The following SON variants were observed in gnomAD, a reference collection of about 807,000 sequenced individuals.
SON encodes SON DNA and RNA binding protein, also known as protein SON.
In SON, 4 loss-of-function variants were observed where a neutral mutation model predicts 173.3. The ratio of observed to expected loss-of-function variants is 0.02; its 90% CI spans 0.01 to 0.05. SON has a LOEUF of 0.05. Ranked by LOEUF, SON falls within the 10% of genes least tolerant of loss-of-function variation. The pLI is 1.00. For synonymous variants in SON, 1,190 were observed against 1,105.9 expected, an observed-to-expected ratio of 1.08 and a Z score of -1.51; for missense variants, 2,626 against 3,055.3, an observed-to-expected ratio of 0.86 and a Z score of 3.31.
intron 7 of SON, among the ~76,000 whole-genome samples, chr21:33,568,326 C>T (rs1474652979): frequency 6.6e-6 from 1 of 152,292 alleles, no homozygotes; most frequent in Admixed American, 6.5e-5. Flanking sequence ...AACCCTGTCT[C>T]GACTAAAAAT....
chr21:33,577,383 T>C lies in SON; in HGVS notation c.*959T>C, dbSNP rs888151880. 6.6e-6 allele frequency: 1 copy of C among 152,620 alleles called. No homozygotes were observed. The allele number at this position is 152,620 out of a possible 1,614,324, so 9.5% of individuals were successfully genotyped here. On this transcript the variant is annotated 3_prime_UTR_variant, in exon 12 of 12. Coordinates refer to ENST00000356577, the MANE Select transcript of SON (RefSeq NM_138927.4). The stretch of plus-strand genomic sequence containing the variant: ...GTTTATGTTAATTTTTAGGGTCTGA[T>C]AGAATATTTCATGTGTATTACAGTG...
rs73900349 is a variant in SON at position 33,551,781 on chromosome 21, C to A, written c.2550C>A (p.Thr850=). The change falls in exon 3 of 12, where the codon ACC becomes ACA. Residue 850 remains threonine, a synonymous_variant. Coordinates refer to ENST00000356577, the MANE Select transcript of SON (RefSeq NM_138927.4). ...ATTCTCAGATGTTAGCAACCAGCAC[C>A]ATGGACTCCCAGATGTTAGCAACTA... ...TMDSQMLATS[T]MDSQMLATSS... 211 of 1,613,064 alleles carry A rather than the reference C, an allele frequency of 1.3e-4. No individual in the cohort carries two copies. In the African/African-American group the frequency reaches 2.4e-3, roughly 18 times the overall value.
At chr21:33,570,737 A>C (rs968322786) in intron 8 of SON, among the ~76,000 whole-genome samples, 5 of 152,160 alleles carry the variant, frequency 3.3e-5, no homozygotes, top group Non-Finnish European at 5.9e-5. Context: ...GTACTCAGCC[A>C]GTATTTCAGG....
chr21:33,553,222 G>A lies in SON; in HGVS notation c.3991G>A (p.Val1331Ile). ...CTCAGAAGTATCTACATCCTTGTTG[G>A]TTCCAGCAGTAACTACTCCAGTGCT... ...VASEVSTSLL[V>I]PAVTTPVLAE... The change falls in exon 3 of 12, where the codon GTT (valine) becomes ATT (isoleucine). Residue 1331 changes from valine (V) to isoleucine (I), a missense_variant. Transcript: ENST00000356577. 2 of 1,614,162 alleles carry A rather than the reference G, an allele frequency of 1.2e-6. No individual in the cohort carries two copies. The highest frequency in any genetic ancestry group is 2.2e-5 in the South Asian group (2 of 91,080).
Position 33,550,412 on chromosome 21 carries a change from T to C in SON, c.1181T>C (p.Leu394Ser). Residue 394 changes from leucine to serine, a missense_variant, in exon 3 of 12, where the codon TTG (leucine) becomes TCG (serine). Coordinates refer to ENST00000356577, the MANE Select transcript of SON (RefSeq NM_138927.4). ...CCACCTGCGACCTCCATGCCGGAGT[T>C]GCAGGGGCCCCCTGTGACTCCAGTG... Reference protein sequence around the residue: ...PGPPATSMPELQGPPVTPVLE... With the variant: ...PGPPATSMPESQGPPVTPVLE... 6.2e-7 allele frequency: 1 copy of C among 1,613,784 alleles called. No individual in the cohort carries two copies. Among genetic ancestry groups the C allele is most frequent in the Non-Finnish European group, 8.5e-7 (1 of 1,179,908 alleles).
rs370228868 is a variant in SON at position 33,546,486 on chromosome 21, T to C, written c.244+107T>C. On this transcript the variant is annotated intron_variant, in intron 2 of 11. Transcript: ENST00000356577. ...TTCAGTATTTAAGATATTTATTAAA[T>C]TAAAAACTTTAGGCTGGGTGCGATG... The C allele has an allele frequency of 1.6e-5, 15 of 939,258 alleles. No homozygotes were observed. In the East Asian group the frequency reaches 4.2e-4, roughly 26 times the overall value. 58.2% of individuals were successfully genotyped at this position (939,258 alleles called of 1,614,324 possible).
In SON at chr21:33,555,133, A is replaced by C; in HGVS notation, c.5902A>C (p.Ser1968Arg). The C allele has an allele frequency of 6.8e-7, 1 of 1,466,350 alleles. No individual in the cohort carries two copies. 90.8% of individuals were successfully genotyped at this position (1,466,350 alleles called of 1,614,324 possible). The change falls in exon 3 of 12, where the codon AGC becomes CGC. Residue 1968 changes from serine (S) to arginine (R), a missense_variant. Physicochemically the swap from Ser to Arg is moderately radical, Grantham distance 110. Transcript: ENST00000356577. The part of the protein sequence containing the change: ...RTPSRRSRTP[S>R]RRSRTPSRRS... ...CCCCAGCCGCCGCAGCCGCACCCCC[A>C]GCCGCCGCAGCCGCACCCCCAGCCG...
intron 6 of SON, among the ~76,000 whole-genome samples, chr21:33,562,151 T>C (rs529461434): frequency 6.6e-6 from 1 of 152,306 alleles, no homozygotes; most frequent in African/African-American, 2.4e-5. Context: ...TCCAGTTATT[T>C]AGTGACCATC....
chr21:33,556,693 G>A (rs1433406528), intron 3 of SON, among the ~76,000 whole-genome samples: 3 of 146,112 alleles, frequency 2.1e-5, no homozygotes, highest in Non-Finnish European at 3.0e-5. Flanking sequence ...CAGCCTGGGC[G>A]ACAGAGTGAG....
At chr21:33,562,625 T>C (rs961562170) in intron 6 of SON, among the ~76,000 whole-genome samples, 13 of 152,202 alleles carry the variant, frequency 8.5e-5, no homozygotes, top group Non-Finnish European at 1.9e-4. Flanking sequence ...TCAGACTGTG[T>C]GCGGTACTGC....
chr21:33,572,512 C>T, intron 8 of SON: 1 of 1,202,342 alleles, frequency 8.3e-7, no homozygotes, highest in Non-Finnish European at 1.1e-6. Flanking sequence ...ACAGAATAAC[C>T]TGTGAACTTT....
chr21:33,573,213 A>C, intron 8 of SON, 95 bp from the exon 9 acceptor site: 1 of 1,013,188 alleles, frequency 9.9e-7, no homozygotes, highest in East Asian at 2.4e-5. Flanking sequence ...ATCTAGAAGT[A>C]AAGTAAGATT....
Position 33,550,126 on chromosome 21 carries a change from G to A in SON, c.895G>A (p.Val299Met), listed in dbSNP as rs1300848389. 1 of 1,614,198 alleles carries A rather than the reference G, an allele frequency of 6.2e-7. No individual in the cohort carries two copies. The highest frequency in any genetic ancestry group is 1.6e-4 in the Middle Eastern group (1 of 6,062). Residue 299 changes from valine (V) to methionine (M), a missense_variant, in exon 3 of 12, where the codon GTG becomes ATG. Physicochemically the swap from Val to Met is conservative, Grantham distance 21. Transcript: ENST00000356577. ...GTTGGTAGAGCCCCCAGTAGCAAAA[G>A]TGTTAGAGCCTTCAGAAACCCTTGT... ...IMLVEPPVAKVLEPSETLVVS... is the reference protein window; with the variant it reads ...IMLVEPPVAKMLEPSETLVVS...
rs370296512 is a variant in SON, at chr21:33,550,305, G to A, written c.1074G>A (p.Pro358=). ...SEIADSSMTR[P]QELPELPKTT... is the part of the protein sequence containing the mutation. ...TTGCAGATTCATCCATGACAAGACC[G>A]CAGGAGTTGCCGGAGCTGCCTAAGA... The change falls in exon 3 of 12, where the codon CCG becomes CCA. Residue 358 remains proline (P), a synonymous_variant. Transcript: ENST00000356577. 82 of 1,613,984 alleles carry A rather than the reference G, an allele frequency of 5.1e-5. No homozygotes were observed. Among genetic ancestry groups the A allele is most frequent in the Non-Finnish European group, 6.4e-5 (75 of 1,180,008 alleles).
In SON at chr21:33,552,760, C is replaced by T. The variant is rs1201458106; in HGVS notation, c.3529C>T (p.Pro1177Ser). 2 of 1,613,776 alleles carry T rather than the reference C, an allele frequency of 1.2e-6. No homozygotes were observed. The highest frequency in any genetic ancestry group is 2.7e-5 in the African/African-American group (2 of 74,922). Residue 1177 changes from proline to serine, a missense_variant, in exon 3 of 12, where the codon CCA becomes TCA. Transcript: ENST00000356577. The surrounding 1 kb of genome is among the most constrained non-coding windows in gnomAD (Gnocchi z 5.6). The stretch of plus-strand genomic sequence containing the variant: ...ACCACCATTGCCTCCTGAGGAACCA[C>T]CAGAGGGTCCAGCATTGCCCACTGA... ...MTPPLPPEEP[P>S]EGPALPTEQS...
At chr21:33,562,158 C>G (rs1033161951) in intron 6 of SON, among the ~76,000 whole-genome samples, 3 of 151,852 alleles carry the variant, frequency 2.0e-5, no homozygotes, top group Non-Finnish European at 4.4e-5. Flanking sequence ...ATTTAGTGAC[C>G]ATCTAAATAT....
chr21:33,551,792 A>G lies in SON; in HGVS notation c.2561A>G (p.Gln854Arg), dbSNP rs747682041. Residue 854 changes from glutamine to arginine, a missense_variant, in exon 3 of 12, where the codon CAG (glutamine) becomes CGG (arginine). Gln to Arg is a conservative substitution (Grantham distance 43). Coordinates refer to ENST00000356577, the MANE Select transcript of SON (RefSeq NM_138927.4). ...TTAGCAACCAGCACCATGGACTCCCAGATGTTAGCAACTAGCTCAATGGAT... is the reference window on the plus strand; with the variant it reads ...TTAGCAACCAGCACCATGGACTCCCGGATGTTAGCAACTAGCTCAATGGAT... ...QMLATSTMDS[Q>R]MLATSSMDSQ... is the part of the protein sequence containing the mutation. The G allele has an allele frequency of 1.2e-6, 2 of 1,613,424 alleles. No individual in the cohort carries two copies. Among genetic ancestry groups the G allele is most frequent in the South Asian group, 1.1e-5 (1 of 91,062 alleles).
chr21:33,573,218 A>G (rs2145883033), intron 8 of SON, 90 bp from the exon 9 acceptor site: 1 of 1,077,404 alleles, frequency 9.3e-7, no homozygotes, highest in Non-Finnish European at 1.4e-6. Context: ...GAAGTAAAGT[A>G]AGATTCCTCT....
chr21:33,561,848 AC>A (rs1271334118), intron 6 of SON, among the ~76,000 whole-genome samples: 1 of 152,206 alleles, frequency 6.6e-6, no homozygotes, highest in Non-Finnish European at 1.5e-5. Context: ...TTTTTTTCTT[AC>A]CAAAGAAGAA....
Sources: allele counts gnomAD v4.1 joint callset (sites outside exome capture counted in the v4.1 genomes callset), GRCh38; gene constraint gnomAD v4.1.1; non-coding constraint Gnocchi (gnomAD v3.1); transcripts MANE v1.5; gene names NCBI Gene and HGNC (gene_info 2026-07-23, HGNC 2026-07-21).